MYO7B: variants seen among roughly 807,000 people sequenced by gnomAD.
The protein encoded by MYO7B is unconventional myosin-VIIb.
A neutral mutation model predicts 259.7 loss-of-function variants in MYO7B; 212 were observed. The ratio of observed to expected loss-of-function variants is 0.82; its 90% CI spans 0.73 to 0.91. MYO7B has a LOEUF of 0.91. MYO7B is among the 40% of genes least tolerant of loss of function. MYO7B has a pLI of 0.00. For synonymous variants in MYO7B, 1,197 were observed against 1,166.4 expected (o/e 1.03, Z -0.54); for missense variants, 2,732 against 2,813.5 (o/e 0.97, Z 0.66).
At chr2:127,541,204 C>A (rs760722196) in intron 1 of MYO7B, among the ~76,000 whole-genome samples, 2 of 151,878 alleles carry the variant, frequency 1.3e-5, no homozygotes, top group Non-Finnish European at 2.9e-5. Flanking sequence ...GCTGTCTCCA[C>A]GGTGAAGGGG....
At chr2:127,543,457 T>C (rs1435685974) in intron 1 of MYO7B, among the ~76,000 whole-genome samples, 1 of 152,096 alleles carries the variant, frequency 6.6e-6, no homozygotes, top group African/African-American at 2.4e-5. Flanking sequence ...GGTAGAAGAA[T>C]TTTTCTTAGT....
rs186005153 is a variant in MYO7B, at chr2:127,621,852, C to T, written c.3526-130C>T. On this transcript the variant is annotated intron_variant, in intron 27 of 47. Coordinates refer to ENST00000409816, the MANE Select transcript of MYO7B (RefSeq NM_001393586.1). ...ACACACTGATCCATGTTCCTTCTAA[C>T]GGGTGTGAGGGTGCCCCTCAATGCA... 4.6e-4 allele frequency: 612 copies of T among 1,340,380 alleles called. 1 individual carries two copies. Among genetic ancestry groups the T allele is most frequent in the East Asian group, 9.0e-4 (36 of 39,918 alleles). The allele number at this position is 1,340,380 out of a possible 1,614,324, so 83.0% of individuals were successfully genotyped here.
Position 127,636,598 on chromosome 2 carries a change from T to C in MYO7B, c.6177T>C (p.His2059=), listed in dbSNP as rs2105158435. 6.2e-7 allele frequency: 1 copy of C among 1,612,852 alleles called. No individual in the cohort carries two copies. Among genetic ancestry groups the C allele is most frequent in the Non-Finnish European group, 8.5e-7 (1 of 1,179,430 alleles). ...PDVILIAINR[H]GVLLIHPKTK... ...TCATCCTCATCGCCATCAACCGACA[T>C]GGGGTTCTGCTCATCCACCCCAAGA... The change falls in exon 46 of 48, where the codon CAT becomes CAC. Residue 2059 remains histidine (H), a synonymous_variant. Transcript: ENST00000409816. The surrounding 1 kb of genome is among the most constrained non-coding windows in gnomAD (Gnocchi z 4.5).
intron 1 of MYO7B, among the ~76,000 whole-genome samples, chr2:127,544,476 T>G (rs1248522086): frequency 2.6e-5 from 4 of 152,130 alleles, no homozygotes; most frequent in Non-Finnish European, 5.9e-5. Context: ...TGGCACGATC[T>G]TGGCTTGCTG....
chr2:127,615,306 C>T lies in MYO7B; in HGVS notation c.3398+2703C>T, dbSNP rs917823259. On this transcript the variant is annotated intron_variant, in intron 26 of 47. Coordinates refer to ENST00000409816, the MANE Select transcript of MYO7B (RefSeq NM_001393586.1). The surrounding 1 kb of genome is among the most constrained non-coding windows in gnomAD (Gnocchi z 4.4). ...TGGTTACTACTTGAGACCATTGCTA[C>T]GATAGTTACTACTGTCACTACTTGA... 2.6e-5 allele frequency among the ~76,000 whole-genome samples: 4 copies of T among 152,088 alleles called. No homozygotes were observed. The highest frequency in any genetic ancestry group is 7.2e-5 in the African/African-American group (3 of 41,410).
chr2:127,569,139 T>C (rs1678479173), intron 5 of MYO7B, among the ~76,000 whole-genome samples: 1 of 127,760 alleles, frequency 7.8e-6, no homozygotes, highest in African/African-American at 3.2e-5. Flanking sequence ...ACCCAGGAGG[T>C]GGAGGTTGCA....
chr2:127,570,317 G>A (rs1005911621), intron 6 of MYO7B, among the ~76,000 whole-genome samples: 9 of 152,248 alleles, frequency 5.9e-5, no homozygotes, highest in African/African-American at 2.2e-4. Context: ...GAAAGCAGGA[G>A]TGGGCAGGAT....
At position 127,583,327 on chromosome 2, in the gene MYO7B, G is replaced by A. The variant is rs11693303; in HGVS notation, c.1344-795G>A. Among the ~76,000 whole-genome samples the A allele has an allele frequency of 4.2e-3, 647 of 152,352 alleles. 6 individuals carry two copies. The highest frequency in any genetic ancestry group is 0.02 in the Middle Eastern group (6 of 294). On this transcript the variant is annotated intron_variant, in intron 12 of 47. Coordinates refer to ENST00000409816, the MANE Select transcript of MYO7B (RefSeq NM_001393586.1). ...TGTCAAGACACAAGCCATTCCACACGCAAGCACGCTGGGATCTCAGCCCTC... is the reference window on the plus strand; with the variant it reads ...TGTCAAGACACAAGCCATTCCACACACAAGCACGCTGGGATCTCAGCCCTC...
rs1681261349 is a variant in MYO7B at position 127,628,297 on chromosome 2, C to A, written c.4461-75C>A. 3 of 1,530,060 alleles carry A rather than the reference C, an allele frequency of 2.0e-6. No individual in the cohort carries two copies. Among genetic ancestry groups the A allele is most frequent in the South Asian group, 1.2e-5 (1 of 83,592 alleles). The allele number at this position is 1,530,060 out of a possible 1,614,324, so 94.8% of individuals were successfully genotyped here. On this transcript the variant is annotated intron_variant, in intron 33 of 47. Coordinates refer to ENST00000409816, the MANE Select transcript of MYO7B (RefSeq NM_001393586.1). This position sits in a 1 kb window ranked among gnomAD's most constrained non-coding sequence, Gnocchi z 4.8. ...CTGTGACTCAGGACCCCCAACCCCA[C>A]CTCCCGAGGCTGTTTAGGGGCTGGA...
chr2:127,635,254 C>G (rs898078566), intron 43 of MYO7B, 28 bp downstream of exon 43: 1 of 1,581,000 alleles, frequency 6.3e-7, no homozygotes, highest in Admixed American at 1.7e-5. Context: ...CTGGTGGGCA[C>G]TGGGGCCACC....
chr2:127,599,487 C>CT (rs1305863748), intron 19 of MYO7B, among the ~76,000 whole-genome samples: 2 of 152,080 alleles, frequency 1.3e-5, no homozygotes, highest in East Asian at 1.9e-4. Context: ...AGTTTTCTTT[C>CT]TTTTTTTTCC....
At chr2:127,578,088 T>TG in intron 8 of MYO7B, 45 bp from the exon 9 acceptor site, 1 of 1,606,020 alleles carries the variant, frequency 6.2e-7, no homozygotes, top group Non-Finnish European at 8.5e-7. Flanking sequence ...AGGGAGGTGG[T>TG]GGGGCAGGGG....
chr2:127,608,558 C>A, intron 21 of MYO7B, 150 bp from the exon 22 acceptor site: 1 of 854,918 alleles, frequency 1.2e-6, no homozygotes, highest in Non-Finnish European at 1.8e-6. Flanking sequence ...TTAAAATCTA[C>A]TGTTTCAGAG....
chr2:127,537,272 G>A (rs1332214137), intron 1 of MYO7B, among the ~76,000 whole-genome samples: 2 of 152,156 alleles, frequency 1.3e-5, no homozygotes, highest in African/African-American at 4.8e-5. Flanking sequence ...CCTGTCTGGG[G>A]CTCCAGCTAT....
rs1681360318 is a variant in MYO7B, at chr2:127,629,748, G to A, written c.4728G>A (p.Arg1576=). The change falls in exon 35 of 48, where the codon AGG becomes AGA. Residue 1576 remains arginine, a synonymous_variant. Coordinates refer to ENST00000409816, the MANE Select transcript of MYO7B (RefSeq NM_001393586.1). ...ACTGGACCCTCGGCCAGAACGACAG[G>A]ACAGGCAAGACGGGGCTGGTGCCCA... ...SENWTLGQND[R]TGKTGLVPMA... is the part of the protein sequence containing the mutation. 2 of 1,611,894 alleles carry A rather than the reference G, an allele frequency of 1.2e-6. No homozygotes were observed. The highest frequency in any genetic ancestry group is 1.7e-6 in the Non-Finnish European group (2 of 1,179,244).
At chr2:127,621,885 C>G in intron 27 of MYO7B, 97 bp from the exon 28 acceptor site, 1 of 1,514,122 alleles carries the variant, frequency 6.6e-7, no homozygotes, top group Non-Finnish European at 9.0e-7. Context: ...GCACATTATA[C>G]ACTGAGTATT....
chr2:127,616,127 G>A (rs1214712159), intron 26 of MYO7B, among the ~76,000 whole-genome samples: 4 of 152,172 alleles, frequency 2.6e-5, no homozygotes, highest in South Asian at 2.1e-4. Flanking sequence ...TAATTACCGC[G>A]GGGTAAAACT....
rs1257874952 is a variant in MYO7B, at chr2:127,609,690, AC to A, written c.3001del (p.His1001ThrfsTer18). 1.2e-6 allele frequency: 2 copies of A among 1,613,788 alleles called. No homozygotes were observed. The highest frequency in any genetic ancestry group is 3.3e-5 in the Admixed American group (2 of 60,004). ...IRRPLRYPLL[Y>X]HEDDTDCLAA... ...CGGCCCCTCCGATACCCGTTGCTTT[AC>A]CACGAAGATGACACTGACTGCTTGG... On this transcript the variant is annotated frameshift_variant, in exon 23 of 48. Coordinates refer to ENST00000409816, the MANE Select transcript of MYO7B (RefSeq NM_001393586.1). LOFTEE classifies it high-confidence loss of function. The surrounding 1 kb of genome is among the most constrained non-coding windows in gnomAD (Gnocchi z 6.9).
In MYO7B at chr2:127,630,764, T is replaced by C; in HGVS notation, c.4807-14T>C. Reference sequence around the variant, plus strand: ...GGTGGCTCCTGGGCACCCACAGGCCTGTGCCCCCTTCAGAGCTTGCTTGCC... The same window carrying C: ...GGTGGCTCCTGGGCACCCACAGGCCCGTGCCCCCTTCAGAGCTTGCTTGCC... On this transcript the variant is annotated splice_polypyrimidine_tract_variant and intron_variant, in intron 35 of 47. Transcript: ENST00000409816. 1 of 1,612,364 alleles carries C rather than the reference T, an allele frequency of 6.2e-7. No homozygotes were observed. Among genetic ancestry groups the C allele is most frequent in the East Asian group, 2.2e-5 (1 of 44,878 alleles).
Sources: allele counts gnomAD v4.1 joint callset (sites outside exome capture counted in the v4.1 genomes callset), GRCh38; gene constraint gnomAD v4.1.1; non-coding constraint Gnocchi (gnomAD v3.1); transcripts MANE v1.5; gene names NCBI Gene and HGNC (gene_info 2026-07-23, HGNC 2026-07-21).